Variants in NCKAP5 observed in about 807,000 individuals in gnomAD.
NCKAP5 encodes the protein nck-associated protein 5.
Under a neutral mutation model 167.0 loss-of-function variants are expected in NCKAP5, and 92 were observed. That is an observed-to-expected ratio of 0.55 (90% CI 0.47 to 0.66). The LOEUF (loss-of-function observed/expected upper bound fraction) is 0.66. Ranked by LOEUF, NCKAP5 falls within the 30% of genes least tolerant of loss-of-function variation. The pLI is 0.00. For synonymous variants in NCKAP5, 891 were observed against 877.4 expected (o/e 1.02, Z -0.27); for missense variants, 2,378 against 2,315.0 (o/e 1.03, Z -0.56).
intron 3 of NCKAP5, among the ~76,000 whole-genome samples, chr2:133,490,131 T>C (rs983905227): frequency 6.6e-6 from 1 of 152,102 alleles, no homozygotes; most frequent in African/African-American, 2.4e-5. Context: ...TTCCTGAATA[T>C]CCAAATGAGG....
chr2:133,220,752 G>A (rs1448113591), intron 4 of NCKAP5, among the ~76,000 whole-genome samples: 1 of 152,162 alleles, frequency 6.6e-6, no homozygotes, highest in African/African-American at 2.4e-5. Context: ...GTGTTATGTG[G>A]AGACCTCAGG....
At chr2:132,830,477 C>G (rs186693404) in intron 11 of NCKAP5, among the ~76,000 whole-genome samples, 2 of 151,960 alleles carry the variant, frequency 1.3e-5, no homozygotes, top group East Asian at 3.9e-4. Flanking sequence ...ATCTCACTCC[C>G]GAAGAACAAA....
At chr2:133,496,162 G>C (rs933373192) in intron 3 of NCKAP5, among the ~76,000 whole-genome samples, 23 of 152,068 alleles carry the variant, frequency 1.5e-4, no homozygotes, top group Admixed American at 1.5e-3. Flanking sequence ...GATTGATTAC[G>C]AAGGGATTAC....
chr2:133,583,299 T>G, the NCKAP5 span, among the ~76,000 whole-genome samples: 1 of 152,068 alleles, frequency 6.6e-6, no homozygotes, highest in Non-Finnish European at 1.5e-5. Context: ...TCCCATCCCT[T>G]GGTGGTGGGT....
At chr2:133,658,642 C>G in the NCKAP5 span, among the ~76,000 whole-genome samples, 3 of 152,138 alleles carry the variant, frequency 2.0e-5, no homozygotes, top group Non-Finnish European at 2.9e-5. Flanking sequence ...GATGCAAAGG[C>G]TCAGGGACAG....
intron 8 of NCKAP5, among the ~76,000 whole-genome samples, chr2:132,894,634 C>G (rs1692995942): frequency 6.6e-6 from 1 of 152,146 alleles, no homozygotes; most frequent in African/African-American, 2.4e-5. Context: ...TGAATATTGT[C>G]CCTTTGCTTC....
At chr2:133,058,007 C>T (rs2079861992) in intron 6 of NCKAP5, among the ~76,000 whole-genome samples, 1 of 152,134 alleles carries the variant, frequency 6.6e-6, no homozygotes, top group East Asian at 1.9e-4. Flanking sequence ...AAGAATTAAG[C>T]TAAATCTACT....
intron 5 of NCKAP5, among the ~76,000 whole-genome samples, chr2:133,194,465 C>T (rs986786726): frequency 2.0e-5 from 3 of 152,008 alleles, no homozygotes; most frequent in African/African-American, 4.8e-5. Context: ...AGTTTAATTA[C>T]GTGTAGGACA....
At chr2:133,261,958 G>A (rs1411267212) in intron 4 of NCKAP5, among the ~76,000 whole-genome samples, 2 of 152,156 alleles carry the variant, frequency 1.3e-5, no homozygotes, top group South Asian at 2.1e-4. Flanking sequence ...TTCTCTGTAG[G>A]GTGCAGGGAG....
At chr2:133,548,957 C>T (rs1687013398) in intron 2 of NCKAP5, among the ~76,000 whole-genome samples, 1 of 151,852 alleles carries the variant, frequency 6.6e-6, no homozygotes, top group Non-Finnish European at 1.5e-5. Flanking sequence ...AGTCAAGACC[C>T]ATCAGTGTGC....
intron 5 of NCKAP5, among the ~76,000 whole-genome samples, chr2:133,194,451 T>C (rs965612552): frequency 1.3e-5 from 2 of 152,014 alleles, no homozygotes; most frequent in Non-Finnish European, 2.9e-5. Flanking sequence ...CTTCCTGACT[T>C]CTTAGTTTAA....
intron 16 of NCKAP5, among the ~76,000 whole-genome samples, chr2:132,769,129 G>A (rs1681798152): frequency 6.6e-6 from 1 of 151,050 alleles, no homozygotes; most frequent in South Asian, 2.1e-4. Context: ...AAAATTTTTA[G>A]TGGAGATGGG....
chr2:133,251,779 G>A (rs890266168), intron 4 of NCKAP5, among the ~76,000 whole-genome samples: 2 of 152,162 alleles, frequency 1.3e-5, no homozygotes, highest in Admixed American at 6.5e-5. Context: ...TGAAATCAGT[G>A]TATAGACTGT....
At chr2:133,385,216 A>G (rs1280132116) in intron 3 of NCKAP5, among the ~76,000 whole-genome samples, 1 of 152,150 alleles carries the variant, frequency 6.6e-6, no homozygotes, top group African/African-American at 2.4e-5. Context: ...TTTGAGATAC[A>G]TCCCATCAAC....
chr2:132,718,474 C>A (rs180987442), intron 19 of NCKAP5, among the ~76,000 whole-genome samples: 15 of 152,224 alleles, frequency 9.9e-5, no homozygotes, highest in Non-Finnish European at 1.9e-4. Flanking sequence ...CCAGGAGGCA[C>A]GGGACTATTT....
intron 19 of NCKAP5, among the ~76,000 whole-genome samples, chr2:132,681,246 A>G (rs186711288): frequency 6.6e-6 from 1 of 152,304 alleles, no homozygotes; most frequent in East Asian, 1.9e-4. Flanking sequence ...TTCAGCTGAC[A>G]AGAGTTAGGG....
chr2:132,990,971 T>G (rs1408476746), intron 7 of NCKAP5, among the ~76,000 whole-genome samples: 1 of 152,214 alleles, frequency 6.6e-6, no homozygotes, highest in Non-Finnish European at 1.5e-5. Context: ...GAAAGAGCTC[T>G]AGATAGAAAG....
chr2:133,187,522 T>A (rs1821422), intron 5 of NCKAP5, among the ~76,000 whole-genome samples: 29,553 of 151,896 alleles, frequency 0.19, 3,497 homozygotes, highest in African/African-American at 0.34. Flanking sequence ...CGACCCCATA[T>A]ATAAGTATAC....
intron 3 of NCKAP5, among the ~76,000 whole-genome samples, chr2:133,394,173 T>C (rs1178256664): frequency 6.6e-6 from 1 of 152,236 alleles, no homozygotes; most frequent in East Asian, 1.9e-4. Context: ...ATTCACTCTT[T>C]CAACACATAT....
Sources: gnomAD v4.1 joint callset for allele counts (sites outside exome capture counted in the v4.1 genomes callset) on GRCh38, gnomAD v4.1.1 for gene constraint, MANE v1.5 for transcripts, NCBI Gene and HGNC (gene_info 2026-07-23, HGNC 2026-07-21) for gene names.